The following ACSS3 variants were observed in gnomAD, a reference collection of about 807,000 sequenced individuals.
ACSS3 encodes acyl-CoA synthetase short-chain family member 3, mitochondrial.
Under a neutral mutation model 84.2 loss-of-function variants are expected in ACSS3, and 64 were observed. The ratio of observed to expected loss-of-function variants is 0.76; its 90% CI spans 0.62 to 0.94. The LOEUF is 0.94. ACSS3 is among the 40% of genes least tolerant of loss of function. The pLI is 0.00. For missense variants in ACSS3, 815 were observed against 867.6 expected, an observed-to-expected ratio of 0.94 and a Z score of 0.76; for synonymous variants, 317 against 310.1, an observed-to-expected ratio of 1.02 and a Z score of -0.23.
chr12:81,235,612 G>C (rs919241847), intron 13 of ACSS3, among the ~76,000 whole-genome samples: 1 of 151,418 alleles, frequency 6.6e-6, no homozygotes, highest in Non-Finnish European at 1.5e-5. Flanking sequence ...TTCAATCCAT[G>C]AGTTTTGTAT....
At chr12:81,083,131 G>T (rs547416904) in intron 1 of ACSS3, among the ~76,000 whole-genome samples, 119 of 152,258 alleles carry the variant, frequency 7.8e-4, no homozygotes, top group African/African-American at 2.8e-3. Flanking sequence ...GCTTTTAGTG[G>T]CTTGTCTGAG....
At chr12:81,166,079 C>T (rs367945905) in intron 7 of ACSS3, among the ~76,000 whole-genome samples, 26 of 152,158 alleles carry the variant, frequency 1.7e-4, no homozygotes, top group African/African-American at 5.1e-4. Context: ...GGATTTGAAA[C>T]AAGCTTCTCT....
intron 9 of ACSS3, among the ~76,000 whole-genome samples, chr12:81,205,293 A>T (rs1005228146): frequency 9.2e-5 from 14 of 152,172 alleles, no homozygotes; most frequent in South Asian, 6.2e-4. Flanking sequence ...GCTTGTTATG[A>T]TTTCTTATTT....
At chr12:81,080,090 T>C (rs1434894409) in intron 1 of ACSS3, among the ~76,000 whole-genome samples, 1 of 152,132 alleles carries the variant, frequency 6.6e-6, no homozygotes, top group African/African-American at 2.4e-5. Context: ...GCCATCTCCA[T>C]TATAAAACTA....
In ACSS3 at chr12:81,127,136, A is replaced by G. The variant is rs927317026; in HGVS notation, c.457-7680A>G. 3.3e-5 allele frequency among the ~76,000 whole-genome samples: 5 copies of G among 152,018 alleles called. No individual in the cohort carries two copies. The East Asian group carries it at 9.6e-4, about 29-fold the overall frequency. ...TAACATCTCTAACTTTCCTGGTTTT[A>G]AGAGACATATCTCAAAATAAATTGG... On this transcript the variant is annotated intron_variant, in intron 2 of 15. Coordinates refer to ENST00000548058, the MANE Select transcript of ACSS3 (RefSeq NM_024560.4).
In ACSS3 at chr12:81,181,747, C is replaced by CAAAAAAAAAAAAA. The variant is rs59878486; in HGVS notation, c.1250+6817_1250+6829dup. Among the ~76,000 whole-genome samples, 145 of 47,894 alleles carry CAAAAAAAAAAAAA rather than the reference C, an allele frequency of 3.0e-3. 1 individual carries two copies. Among genetic ancestry groups the CAAAAAAAAAAAAA allele is most frequent in the Non-Finnish European group, 3.3e-3 (92 of 27,658 alleles). The allele number at this position is 47,894 out of a possible 152,430, so 31.4% of individuals were successfully genotyped here. A position where few individuals can be genotyped will look rare whatever the true frequency, so the allele number is the denominator to read the frequency against. On this transcript the variant is annotated intron_variant, in intron 8 of 15. Transcript: ENST00000548058. ...AAGCCAAAGATTTCAATCAATTAAGCAAAAAAAAAAAAAAAAAAAAAGCAA... is the reference window on the plus strand; with the variant it reads ...AAGCCAAAGATTTCAATCAATTAAGCAAAAAAAAAAAAAAAAAAAAAAAAAAAAAAAAAAGCAA...
In ACSS3 at chr12:81,253,541, C is replaced by T. The variant is rs778806815; in HGVS notation, c.1866C>T (p.His622=). 7.4e-6 allele frequency: 12 copies of T among 1,613,828 alleles called. No homozygotes were observed. The highest frequency in any genetic ancestry group is 1.6e-4 in the Middle Eastern group (1 of 6,082). ...EEQVLEEIVK[H]VRQNIGPVAA... ...AAGTTTTGGAAGAAATTGTGAAACA[C>T]GTTAGACAGAACATTGGCCCTGTGG... Residue 622 remains histidine (H), a synonymous_variant, in exon 15 of 16, where the codon CAC becomes CAT. Coordinates refer to ENST00000548058, the MANE Select transcript of ACSS3 (RefSeq NM_024560.4).
chr12:81,112,838 A>C (rs1377362516), intron 2 of ACSS3, among the ~76,000 whole-genome samples: 1 of 152,186 alleles, frequency 6.6e-6, no homozygotes, highest in Non-Finnish European at 1.5e-5. Flanking sequence ...ATACTTGATT[A>C]AATTTGTCTG....
chr12:81,208,108 A>G (rs1466649363), intron 9 of ACSS3, among the ~76,000 whole-genome samples: 1 of 152,110 alleles, frequency 6.6e-6, no homozygotes, highest in African/African-American at 2.4e-5. Flanking sequence ...AGTTATTTAT[A>G]GTTCACTGTA....
chr12:81,203,586 A>G (rs2032206539), intron 9 of ACSS3, among the ~76,000 whole-genome samples: 1 of 152,232 alleles, frequency 6.6e-6, no homozygotes, highest in African/African-American at 2.4e-5. Flanking sequence ...CCTAATCTGT[A>G]GAAAATACAA....
intron 9 of ACSS3, among the ~76,000 whole-genome samples, chr12:81,203,765 A>G (rs1190578296): frequency 1.3e-5 from 2 of 152,158 alleles, no homozygotes; most frequent in Non-Finnish European, 2.9e-5. Flanking sequence ...AGTTGTCTCT[A>G]TTTGTTTCTA....
At chr12:81,124,598 A>G (rs1884917862) in intron 2 of ACSS3, 1 of 151,980 alleles carries the variant, frequency 6.6e-6, no homozygotes, top group Non-Finnish European at 1.5e-5. Context: ...TCAATGCTGC[A>G]TTTTCTTTTT....
At chr12:81,236,083 T>C (rs145432664) in intron 13 of ACSS3, among the ~76,000 whole-genome samples, 1 of 151,466 alleles carries the variant, frequency 6.6e-6, no homozygotes, top group Admixed American at 6.6e-5. Context: ...TGGTGCTAAC[T>C]GTAGGTATTT....
intron 13 of ACSS3, among the ~76,000 whole-genome samples, chr12:81,239,429 T>G (rs934344368): frequency 2.0e-5 from 3 of 152,000 alleles, no homozygotes; most frequent in African/African-American, 7.2e-5. Flanking sequence ...GAAGGTGTAT[T>G]AGTCTGTTCT....
chr12:81,181,856 C>A (rs952869360), intron 8 of ACSS3, among the ~76,000 whole-genome samples: 3 of 147,308 alleles, frequency 2.0e-5, no homozygotes, highest in Non-Finnish European at 4.5e-5. Context: ...ATGACTCATT[C>A]ACAGGAAAAA....
intron 1 of ACSS3, among the ~76,000 whole-genome samples, chr12:81,101,090 A>G (rs1434830372): frequency 1.3e-5 from 2 of 152,218 alleles, no homozygotes; most frequent in Non-Finnish European, 2.9e-5. Flanking sequence ...CTGTTGAGAA[A>G]ATAAAAGGCA....
intron 2 of ACSS3, among the ~76,000 whole-genome samples, chr12:81,129,409 G>A (rs145062308): frequency 4.9e-4 from 75 of 152,218 alleles, no homozygotes; most frequent in African/African-American, 1.8e-3. Context: ...CTGATCATCT[G>A]GTTCAATTGA....
intron 1 of ACSS3, among the ~76,000 whole-genome samples, chr12:81,099,294 TAGG>T (rs2121403420): frequency 6.6e-6 from 1 of 152,250 alleles, no homozygotes; most frequent in African/African-American, 2.4e-5. Flanking sequence ...CCCATGTATA[TAGG>T]AGGTCATCAA....
At chr12:81,141,950 G>A (rs1031650158) in intron 4 of ACSS3, among the ~76,000 whole-genome samples, 1 of 152,110 alleles carries the variant, frequency 6.6e-6, no homozygotes, top group South Asian at 2.1e-4. Flanking sequence ...AGCTATAAAT[G>A]TGTTTATTCA....
Sources: allele counts gnomAD v4.1 joint callset (sites outside exome capture counted in the v4.1 genomes callset), GRCh38; gene constraint gnomAD v4.1.1; transcripts MANE v1.5; gene names NCBI Gene and HGNC (gene_info 2026-07-23, HGNC 2026-07-21).